The following PRKCA variants were observed in gnomAD, a reference collection of about 807,000 sequenced individuals.
PRKCA encodes the protein protein kinase C alpha.
PRKCA carries 27 observed loss-of-function variants against 87.0 expected under a neutral mutation model. The ratio of observed to expected loss-of-function variants is 0.31; its 90% CI spans 0.23 to 0.43. The LOEUF is 0.43. Among genes scored for constraint, PRKCA ranks in the 20% least tolerant of loss-of-function variants. The pLI, the probability that PRKCA is intolerant of heterozygous loss-of-function variation, is 1.00. For synonymous variants in PRKCA, 329 were observed against 311.1 expected (o/e 1.06, Z -0.61); for missense variants, 518 against 852.3 (o/e 0.61, Z 4.88).
chr17:66,446,920 A>G (rs1914065409), intron 2 of PRKCA, among the ~76,000 whole-genome samples: 1 of 152,196 alleles, frequency 6.6e-6, no homozygotes, highest in Non-Finnish European at 1.5e-5. Context: ...TGAGCATAAA[A>G]ACTTCTAGCT....
chr17:66,431,447 G>A (rs752662690), intron 2 of PRKCA, among the ~76,000 whole-genome samples: 1 of 152,142 alleles, frequency 6.6e-6, no homozygotes, highest in African/African-American at 2.4e-5. Context: ...TTCAGGAAAG[G>A]TGGCCTCATG....
At chr17:66,544,001 C>T (rs1598754719) in intron 3 of PRKCA, among the ~76,000 whole-genome samples, 2 of 152,176 alleles carry the variant, frequency 1.3e-5, no homozygotes, top group South Asian at 2.1e-4. Context: ...CACTTGAGGT[C>T]AGGAGTTCGA....
chr17:66,552,412 A>G (rs1215274588), intron 3 of PRKCA, among the ~76,000 whole-genome samples: 1 of 152,240 alleles, frequency 6.6e-6, no homozygotes, highest in East Asian at 1.9e-4. Context: ...GTCACAGTTC[A>G]GCTGCGTGCT....
intron 2 of PRKCA, among the ~76,000 whole-genome samples, chr17:66,380,702 CAT>C (rs1357679778): frequency 6.6e-6 from 1 of 152,062 alleles, no homozygotes; most frequent in Non-Finnish European, 1.5e-5. Context: ...TGTTTTATAA[CAT>C]ATTTTTCATC....
At chr17:66,588,126 A>G (rs1251270491) in intron 3 of PRKCA, among the ~76,000 whole-genome samples, 1 of 151,918 alleles carries the variant, frequency 6.6e-6, no homozygotes, top group African/African-American at 2.4e-5. Context: ...ATTCTTACCA[A>G]TAAATGCTTT....
intron 5 of PRKCA, among the ~76,000 whole-genome samples, chr17:66,671,864 A>G (rs1404498855): frequency 6.6e-6 from 1 of 152,232 alleles, no homozygotes; most frequent in Non-Finnish European, 1.5e-5. Flanking sequence ...CCCTGAAAAC[A>G]GAGCGAACAT....
chr17:66,453,293 T>C (rs909986284), intron 2 of PRKCA, among the ~76,000 whole-genome samples: 8 of 152,004 alleles, frequency 5.3e-5, no homozygotes, highest in Non-Finnish European at 1.0e-4. Context: ...TCCCCTTGCC[T>C]TGGGTCCCGT....
intron 2 of PRKCA, among the ~76,000 whole-genome samples, chr17:66,473,797 G>C (rs995451041): frequency 6.6e-6 from 1 of 152,152 alleles, no homozygotes; most frequent in African/African-American, 2.4e-5. Flanking sequence ...AGCTGGGCAT[G>C]GTGGCACATG....
At chr17:66,443,139 C>T (rs1282585791) in intron 2 of PRKCA, among the ~76,000 whole-genome samples, 2 of 152,160 alleles carry the variant, frequency 1.3e-5, no homozygotes, top group Admixed American at 1.3e-4. Flanking sequence ...AACTTTTGCC[C>T]CATTTGCTGC....
chr17:66,319,360 CG>C (rs1567769785), intron 2 of PRKCA, among the ~76,000 whole-genome samples: 2 of 152,128 alleles, frequency 1.3e-5, no homozygotes, highest in African/African-American at 4.8e-5. Flanking sequence ...TTGACAGTAT[CG>C]TTTGTGCACA....
chr17:66,787,152 A>G (rs755106077), intron 15 of PRKCA, 178 bp downstream of exon 15: 1 of 772,528 alleles, frequency 1.3e-6, no homozygotes. Context: ...CCAACTTTGG[A>G]CAGCATGGAT....
chr17:66,369,711 A>G (rs1202967555), intron 2 of PRKCA, among the ~76,000 whole-genome samples: 1 of 152,144 alleles, frequency 6.6e-6, no homozygotes, highest in African/African-American at 2.4e-5. Context: ...GGGAGAACAG[A>G]GGGGATGGGT....
chr17:66,400,921 G>A (rs968230547), intron 2 of PRKCA, among the ~76,000 whole-genome samples: 6 of 152,198 alleles, frequency 3.9e-5, no homozygotes, highest in African/African-American at 1.4e-4. Flanking sequence ...GGGAGGATGA[G>A]TATACCATAT....
At chr17:66,724,431 C>T (rs1973691832) in intron 8 of PRKCA, among the ~76,000 whole-genome samples, 1 of 152,122 alleles carries the variant, frequency 6.6e-6, no homozygotes, top group Admixed American at 6.5e-5. Flanking sequence ...GACTGCTGCT[C>T]AGAGCCTGGT....
rs147533331 is a variant in PRKCA, at chr17:66,360,987, A to G, written c.205+54860A>G. On this transcript the variant is annotated intron_variant, in intron 2 of 16. Coordinates refer to ENST00000413366, the MANE Select transcript of PRKCA (RefSeq NM_002737.3). Reference sequence around the variant, plus strand: ...TCTTTTTGTTTGGGGTAGGTGATTAAAAATAGAAAAGTGGGGAAAGAGACA... The same window carrying G: ...TCTTTTTGTTTGGGGTAGGTGATTAGAAATAGAAAAGTGGGGAAAGAGACA... 7.2e-4 allele frequency among the ~76,000 whole-genome samples: 109 copies of G among 151,896 alleles called. 3 individuals carry two copies. In the East Asian group the frequency reaches 0.017, roughly 23 times the overall value.
At chr17:66,392,843 TG>T (rs1910442878) in intron 2 of PRKCA, among the ~76,000 whole-genome samples, 1 of 152,160 alleles carries the variant, frequency 6.6e-6, no homozygotes, top group Non-Finnish European at 1.5e-5. Context: ...TACCATATAA[TG>T]GAGGGTTTTG....
In PRKCA at chr17:66,530,877, G is replaced by C. The variant is rs536213393; in HGVS notation, c.288+34594G>C. The stretch of plus-strand genomic sequence containing the variant: ...GATCTAAAAAAAAAATCATCTTTGT[G>C]CTCCCTACCTTGCCCCTGGTATGGA... On this transcript the variant is annotated intron_variant, in intron 3 of 16. Transcript: ENST00000413366. Among the ~76,000 whole-genome samples the C allele has an allele frequency of 4.6e-5, 7 of 152,082 alleles. No individual in the cohort carries two copies. The South Asian group carries it at 8.3e-4, about 18-fold the overall frequency.
intron 2 of PRKCA, among the ~76,000 whole-genome samples, chr17:66,341,511 C>T (rs1361463827): frequency 1.3e-5 from 2 of 152,200 alleles, no homozygotes; most frequent in African/African-American, 4.8e-5. Flanking sequence ...CTGTGCCTTG[C>T]ACTGTGTATA....
intron 2 of PRKCA, among the ~76,000 whole-genome samples, chr17:66,343,062 G>A (rs1428794489): frequency 3.3e-5 from 5 of 151,378 alleles, no homozygotes; most frequent in Admixed American, 6.6e-5. Flanking sequence ...ATGCCAAGAT[G>A]TTTAAAGTAG....
Sources: gnomAD v4.1 joint callset for allele counts (sites outside exome capture counted in the v4.1 genomes callset) on GRCh38, gnomAD v4.1.1 for gene constraint, MANE v1.5 for transcripts, NCBI Gene and HGNC (gene_info 2026-07-23, HGNC 2026-07-21) for gene names.